Variants in ATP13A4 observed in about 807,000 individuals in gnomAD.
The protein encoded by ATP13A4 is ATPase 13A4, also known as probable cation-transporting ATPase 13A4.
ATP13A4 carries 114 observed loss-of-function variants against 142.5 expected under a neutral mutation model. The ratio of observed to expected loss-of-function variants is 0.80; its 90% CI spans 0.69 to 0.93. The LOEUF (loss-of-function observed/expected upper bound fraction) is 0.93, where lower values mean the gene tolerates loss of function less well. ATP13A4 is among the 40% of genes least tolerant of loss of function. The pLI, the probability that ATP13A4 is intolerant of heterozygous loss-of-function variation, is 0.00. For synonymous variants in ATP13A4, 488 were observed against 514.8 expected, an observed-to-expected ratio of 0.95 and a Z score of 0.70; for missense variants, 1,392 against 1,454.0, an observed-to-expected ratio of 0.96 and a Z score of 0.69.
At chr3:193,539,155 G>A (rs1722748705) in intron 1 of ATP13A4, among the ~76,000 whole-genome samples, 2 of 152,132 alleles carry the variant, frequency 1.3e-5, no homozygotes, top group Admixed American at 6.5e-5. Flanking sequence ...TTACAGCTGT[G>A]AGCCATCATG....
At chr3:193,490,676 A>C (rs555808773) in intron 6 of ATP13A4, among the ~76,000 whole-genome samples, 1 of 152,326 alleles carries the variant, frequency 6.6e-6, no homozygotes, top group South Asian at 2.1e-4. Flanking sequence ...CAGCACACAG[A>C]AACATTCCCT....
At chr3:193,503,093 T>G (rs1023201291) in intron 2 of ATP13A4, among the ~76,000 whole-genome samples, 2 of 152,196 alleles carry the variant, frequency 1.3e-5, no homozygotes, top group Non-Finnish European at 2.9e-5. Context: ...GTCCCTCTCT[T>G]GTGCTCTTAA....
At chr3:193,510,751 C>T (rs1262126232) in intron 2 of ATP13A4, among the ~76,000 whole-genome samples, 1 of 151,742 alleles carries the variant, frequency 6.6e-6, no homozygotes, top group African/African-American at 2.4e-5. Context: ...GAAATGACTG[C>T]CTAATCAGTA....
intron 1 of ATP13A4, among the ~76,000 whole-genome samples, chr3:193,540,181 C>T (rs1409370215): frequency 1.3e-5 from 2 of 151,942 alleles, no homozygotes; most frequent in Non-Finnish European, 1.5e-5. Context: ...AAATATGAAG[C>T]CCCGCAGTTT....
At chr3:193,541,248 C>CAA (rs71179308) in intron 1 of ATP13A4, among the ~76,000 whole-genome samples, 53 of 51,136 alleles carry the variant, frequency 1.0e-3, no homozygotes, top group Admixed American at 6.2e-3. Flanking sequence ...GACTCCTTCT[C>CAA]AAAAAAAAAA....
chr3:193,539,687 A>T (rs1722778680), intron 1 of ATP13A4, among the ~76,000 whole-genome samples: 1 of 152,060 alleles, frequency 6.6e-6, no homozygotes, highest in Non-Finnish European at 1.5e-5. Context: ...TCACCATGGA[A>T]CACAACAGAA....
In ATP13A4 at chr3:193,514,856, G is replaced by A. The variant is rs777828353; in HGVS notation, c.76C>T (p.Arg26Trp). The A allele has an allele frequency of 1.2e-5, 20 of 1,614,000 alleles. No individual in the cohort carries two copies. The highest frequency in any genetic ancestry group is 1.4e-5 in the Non-Finnish European group (17 of 1,180,000). ...AGACTTTTCCGGCAGCCTTGAGTCC[G>A]ATAGCCAAATATCTCCTGGGACAGA... ...EENEMEIFGY[R>W]TQGCRKSLCL... The change falls in exon 2 of 30, where the codon CGG (arginine) becomes TGG (tryptophan). Residue 26 changes from arginine (R) to tryptophan (W), a missense_variant. Arg to Trp is a moderately radical substitution (Grantham distance 101). Transcript: ENST00000342695.
At chr3:193,427,565 C>T (rs1000510408) in intron 25 of ATP13A4, among the ~76,000 whole-genome samples, 1 of 152,180 alleles carries the variant, frequency 6.6e-6, no homozygotes, top group Admixed American at 6.5e-5. Flanking sequence ...TACAAGGCTA[C>T]AGTCACCAAA....
chr3:193,554,649 CGTGCGT>C (rs1347977875), intron 1 of ATP13A4, 85 bp downstream of exon 1: 137 of 1,323,676 alleles, frequency 1.0e-4, no homozygotes, highest in Middle Eastern at 2.3e-4. Flanking sequence ...GTGTGTGATG[CGTGCGT>C]GTGTGTGTGT....
At chr3:193,551,455 G>C (rs1577075078) in intron 1 of ATP13A4, among the ~76,000 whole-genome samples, 1 of 152,240 alleles carries the variant, frequency 6.6e-6, no homozygotes, top group Non-Finnish European at 1.5e-5. Flanking sequence ...TGGTATAACT[G>C]AATGGCAAGA....
At chr3:193,505,391 G>C (rs1439087791) in intron 2 of ATP13A4, among the ~76,000 whole-genome samples, 1 of 152,086 alleles carries the variant, frequency 6.6e-6, no homozygotes, top group Non-Finnish European at 1.5e-5. Flanking sequence ...CCAACTAACT[G>C]TATGCCTTAG....
intron 25 of ATP13A4, among the ~76,000 whole-genome samples, chr3:193,429,190 C>T (rs1194943041): frequency 3.3e-5 from 5 of 151,964 alleles, no homozygotes; most frequent in Non-Finnish European, 7.4e-5. Flanking sequence ...CAATTAGACC[C>T]CTTATACATT....
chr3:193,471,045 C>A (rs1371751108), intron 8 of ATP13A4, 52 bp from the exon 9 acceptor site: 1 of 1,608,070 alleles, frequency 6.2e-7, no homozygotes, highest in Non-Finnish European at 8.5e-7. Flanking sequence ...CACAAAAATA[C>A]AATCCAACAT....
intron 25 of ATP13A4, among the ~76,000 whole-genome samples, chr3:193,430,593 T>C (rs1304490310): frequency 6.6e-6 from 1 of 151,996 alleles, no homozygotes; most frequent in Non-Finnish European, 1.5e-5. Flanking sequence ...CAAATATGAA[T>C]AATGAAAAAA....
intron 29 of ATP13A4, among the ~76,000 whole-genome samples, chr3:193,405,053 C>T (rs1432265383): frequency 1.3e-5 from 2 of 152,144 alleles, no homozygotes; most frequent in African/African-American, 2.4e-5. Flanking sequence ...CTGCTCAAAC[C>T]TGTTTGTTTT....
intron 1 of ATP13A4, among the ~76,000 whole-genome samples, chr3:193,550,472 A>C (rs1189013681): frequency 2.0e-5 from 3 of 151,960 alleles, no homozygotes; most frequent in Admixed American, 2.0e-4. Flanking sequence ...ACATCCAGAT[A>C]ATTTTTTTGT....
intron 13 of ATP13A4, among the ~76,000 whole-genome samples, chr3:193,461,644 T>C (rs920256677): frequency 5.9e-5 from 9 of 152,330 alleles, no homozygotes; most frequent in Middle Eastern, 3.4e-3. Context: ...ATGGATAAAT[T>C]ACATGTCATA....
At chr3:193,413,059 G>C (rs1364154266) in intron 26 of ATP13A4, among the ~76,000 whole-genome samples, 1 of 152,194 alleles carries the variant, frequency 6.6e-6, no homozygotes, top group Non-Finnish European at 1.5e-5. Flanking sequence ...CAGGAAGTCA[G>C]GGACTTTGAA....
chr3:193,437,103 C>CAAAAAAAA (rs1190025956), intron 23 of ATP13A4, among the ~76,000 whole-genome samples: 4 of 62,822 alleles, frequency 6.4e-5, no homozygotes, highest in Admixed American at 3.0e-4. Context: ...GACTCCGTCT[C>CAAAAAAAA]AAAAAAAAAA....
Sources: allele counts gnomAD v4.1 joint callset (sites outside exome capture counted in the v4.1 genomes callset), GRCh38; gene constraint gnomAD v4.1.1; transcripts MANE v1.5; gene names NCBI Gene and HGNC (gene_info 2026-07-23, HGNC 2026-07-21).